The following ALMS1 variants were observed in gnomAD, a reference collection of about 807,000 sequenced individuals.
ALMS1 encodes the protein ALMS1 centrosome and basal body associated protein.
In ALMS1, 271 loss-of-function variants were observed where a neutral mutation model predicts 352.2. The observed-to-expected ratio is 0.77, with a 90% CI of 0.70 to 0.85. The LOEUF is 0.85. Among genes scored for constraint, ALMS1 ranks in the 40% least tolerant of loss-of-function variants. The pLI is 0.00. For missense variants in ALMS1, 5,445 were observed against 4,870.7 expected, an observed-to-expected ratio of 1.12 and a Z score of -3.51; for synonymous variants, 1,865 against 1,761.2, an observed-to-expected ratio of 1.06 and a Z score of -1.48.
chr2:73,596,163 G>A (rs1398192672), intron 16 of ALMS1, among the ~76,000 whole-genome samples: 1 of 152,214 alleles, frequency 6.6e-6, no homozygotes, highest in Non-Finnish European at 1.5e-5. Flanking sequence ...TACTTGGGGT[G>A]TTATATTCAA....
chr2:73,472,508 T>C (rs922238044), intron 9 of ALMS1, among the ~76,000 whole-genome samples: 2 of 152,036 alleles, frequency 1.3e-5, no homozygotes, highest in South Asian at 4.1e-4. Context: ...TCATATAATA[T>C]GGTGGAGTAG....
At chr2:73,570,672 A>G (rs1674908551) in intron 15 of ALMS1, among the ~76,000 whole-genome samples, 2 of 134,936 alleles carry the variant, frequency 1.5e-5, no homozygotes, top group South Asian at 4.4e-4. Context: ...GAGATATGAT[A>G]GGGAAAGGAA....
chr2:73,460,900 T>C (rs948102880), intron 9 of ALMS1, among the ~76,000 whole-genome samples: 2 of 152,182 alleles, frequency 1.3e-5, no homozygotes, highest in African/African-American at 4.8e-5. Context: ...GAGGGGCGCC[T>C]GCCATTGTGC....
Position 73,572,889 on chromosome 2 carries a change from A to G in ALMS1, c.11012A>G (p.Asn3671Ser). The G allele has an allele frequency of 6.2e-7, 1 of 1,614,120 alleles. No homozygotes were observed. Among genetic ancestry groups the G allele is most frequent in the Non-Finnish European group, 8.5e-7 (1 of 1,180,000 alleles). Reference protein sequence around the residue: ...KEWSGRQQQRNKLQKKKRFKS... With the variant: ...KEWSGRQQQRSKLQKKKRFKS... ...TGGAGTGGTAGACAACAGCAGAGAA[A>G]TAAGCTTCAGAAAAAGAAGCGGTTT... is the stretch of plus-strand genomic sequence containing the variant. Residue 3671 changes from asparagine to serine, a missense_variant, in exon 16 of 23, where the codon AAT becomes AGT. Asn to Ser is a conservative substitution (Grantham distance 46, BLOSUM62 1). Transcript: ENST00000613296.
Position 73,385,930 on chromosome 2 carries a change from AGG to A in ALMS1, c.63_64del (p.Glu22GlyfsTer104). The stretch of plus-strand genomic sequence containing the variant: ...GAGGAGGAGGAGGAGGAGGAGGAGG[AGG>A]AGGAGGAGGAAGAGGAGGAGGCTGC... On this transcript the variant is annotated frameshift_variant, in exon 1 of 23. Coordinates refer to ENST00000613296, the MANE Select transcript of ALMS1 (RefSeq NM_001378454.1). LOFTEE classifies it high-confidence loss of function. 7.5e-6 allele frequency: 8 copies of A among 1,063,366 alleles called. No individual in the cohort carries two copies. Among genetic ancestry groups the A allele is most frequent in the Non-Finnish European group, 1.1e-5 (8 of 708,444 alleles). The allele number at this position is 1,063,366 out of a possible 1,614,324, so 65.9% of individuals were successfully genotyped here.
intron 1 of ALMS1, among the ~76,000 whole-genome samples, chr2:73,399,683 G>A (rs1219423746): frequency 6.6e-6 from 1 of 152,026 alleles, no homozygotes; most frequent in Non-Finnish European, 1.5e-5. Context: ...GAAAGGGACA[G>A]ATATCCAAAT....
At chr2:73,484,714 A>G (rs1672788376) in intron 9 of ALMS1, among the ~76,000 whole-genome samples, 1 of 152,110 alleles carries the variant, frequency 6.6e-6, no homozygotes, top group African/African-American at 2.4e-5. Context: ...AGGTACACCA[A>G]TCAGACGTAG....
chr2:73,555,478 T>A (rs903324671), intron 13 of ALMS1, among the ~76,000 whole-genome samples: 29 of 152,194 alleles, frequency 1.9e-4, no homozygotes, highest in African/African-American at 5.3e-4. Flanking sequence ...ACCAGGCATA[T>A]TAAAAGTAAA....
chr2:73,524,213 G>A (rs771524487), intron 11 of ALMS1, among the ~76,000 whole-genome samples: 1 of 152,086 alleles, frequency 6.6e-6, no homozygotes, highest in Non-Finnish European at 1.5e-5. Flanking sequence ...AAGTAATTCT[G>A]CACAAAGTTC....
intron 15 of ALMS1, among the ~76,000 whole-genome samples, chr2:73,559,494 A>G (rs907856058): frequency 1.3e-5 from 2 of 152,146 alleles, no homozygotes; most frequent in Admixed American, 1.3e-4. Context: ...AGATAGTGAG[A>G]CCATCAATAC....
At chr2:73,523,673 A>C (rs189719674) in intron 11 of ALMS1, among the ~76,000 whole-genome samples, 2,464 of 152,240 alleles carry the variant, frequency 0.016, 68 homozygotes, top group African/African-American at 0.056. Context: ...AGGCTGAGGC[A>C]GGAGAATTGC....
At chr2:73,429,635 T>C (rs1478668217) in intron 6 of ALMS1, among the ~76,000 whole-genome samples, 1 of 152,190 alleles carries the variant, frequency 6.6e-6, no homozygotes, top group Non-Finnish European at 1.5e-5. Context: ...TAAAAATTAT[T>C]TAAGGTTTAA....
chr2:73,523,101 A>G (rs1673718847), intron 11 of ALMS1, among the ~76,000 whole-genome samples: 1 of 152,160 alleles, frequency 6.6e-6, no homozygotes. Flanking sequence ...TTGTTCCCAA[A>G]TGCATGCATT....
intron 12 of ALMS1, among the ~76,000 whole-genome samples, chr2:73,541,567 T>A (rs1183437044): frequency 2.0e-5 from 3 of 152,256 alleles, no homozygotes; most frequent in East Asian, 3.9e-4. Flanking sequence ...CAAAAAATCA[T>A]TGAATCCAGG....
At chr2:73,516,873 C>T (rs996638844) in intron 10 of ALMS1, among the ~76,000 whole-genome samples, 9 of 152,130 alleles carry the variant, frequency 5.9e-5, no homozygotes, top group African/African-American at 2.2e-4. Flanking sequence ...CTCCCTCAAG[C>T]ATTAGTTATT....
At chr2:73,409,068 A>G (rs1572904930) in intron 2 of ALMS1, among the ~76,000 whole-genome samples, 1 of 151,402 alleles carries the variant, frequency 6.6e-6, no homozygotes, top group Admixed American at 6.6e-5. Flanking sequence ...TTATAGATGG[A>G]GTCTCGCTTT....
chr2:73,481,739 C>T (rs1271011368), intron 9 of ALMS1, among the ~76,000 whole-genome samples: 1 of 151,292 alleles, frequency 6.6e-6, no homozygotes, highest in Non-Finnish European at 1.5e-5. Flanking sequence ...TGTTTGTATC[C>T]TCTTTTATTT....
chr2:73,421,455 C>A (rs1036982359), intron 3 of ALMS1, among the ~76,000 whole-genome samples: 1 of 152,062 alleles, frequency 6.6e-6, no homozygotes, highest in East Asian at 1.9e-4. Flanking sequence ...AGGACTGTTA[C>A]GGAGGTTTAA....
rs147828613 is a variant in ALMS1, at chr2:73,509,805, A to T, written c.9540-9970A>T. 9.3e-4 allele frequency among the ~76,000 whole-genome samples: 142 copies of T among 152,282 alleles called. 1 individual carries two copies. The Middle Eastern group carries it at 0.014, about 15-fold the overall frequency. ...TATTTCTTGAATTTGAATGTTGGTC[A>T]GTCTTGCTAGGTTGGGGAAGTTCTC... is the stretch of plus-strand genomic sequence containing the variant. On this transcript the variant is annotated intron_variant, in intron 10 of 22. Coordinates refer to ENST00000613296, the MANE Select transcript of ALMS1 (RefSeq NM_001378454.1).
Sources: gnomAD v4.1 joint callset for allele counts (sites outside exome capture counted in the v4.1 genomes callset) on GRCh38, gnomAD v4.1.1 for gene constraint, MANE v1.5 for transcripts, NCBI Gene and HGNC (gene_info 2026-07-23, HGNC 2026-07-21) for gene names.